The following TTC28 variants were observed in gnomAD, a reference collection of about 807,000 sequenced individuals.
TTC28 encodes tetratricopeptide repeat domain 28, also known as tetratricopeptide repeat protein 28.
In TTC28, 61 loss-of-function variants were observed where a neutral mutation model predicts 198.0. The observed-to-expected ratio is 0.31, with a 90% CI of 0.25 to 0.38. The LOEUF (loss-of-function observed/expected upper bound fraction) is 0.38, where lower values mean the gene tolerates loss of function less well. Ranked by LOEUF, TTC28 falls within the 10% of genes least tolerant of loss-of-function variation. TTC28 has a pLI of 1.00. For synonymous variants in TTC28, 1,171 were observed against 1,297.8 expected (o/e 0.90, Z 2.10); for missense variants, 2,678 against 3,164.0 (o/e 0.85, Z 3.69).
At chr22:28,155,819 AATGTGGCATACAAT>A (rs1848486696) in intron 6 of TTC28, among the ~76,000 whole-genome samples, 3 of 152,170 alleles carry the variant, frequency 2.0e-5, no homozygotes, top group African/African-American at 7.2e-5. Context: ...CTCTACCTAT[AATGTGGCATACAAT>A]ATGTGGCAAT....
At chr22:28,643,749 C>T (rs994750285) in intron 1 of TTC28, among the ~76,000 whole-genome samples, 3 of 152,208 alleles carry the variant, frequency 2.0e-5, no homozygotes, top group South Asian at 4.1e-4. Context: ...AATATGTTAA[C>T]GTATATTGTG....
At chr22:28,078,223 G>T (rs1359792259) in intron 12 of TTC28, among the ~76,000 whole-genome samples, 1 of 152,174 alleles carries the variant, frequency 6.6e-6, no homozygotes, top group African/African-American at 2.4e-5. Flanking sequence ...AGCAAAAACA[G>T]TCTGCAGAAT....
At chr22:28,129,944 T>C (rs569790481) in intron 6 of TTC28, among the ~76,000 whole-genome samples, 23 of 152,292 alleles carry the variant, frequency 1.5e-4, no homozygotes, top group African/African-American at 4.8e-4. Context: ...TGTTGATCCA[T>C]GGGCCACACT....
At chr22:28,663,451 G>A (rs868682909) in intron 1 of TTC28, among the ~76,000 whole-genome samples, 1 of 145,374 alleles carries the variant, frequency 6.9e-6, no homozygotes, top group East Asian at 2.0e-4. Context: ...CACCGTGCGC[G>A]AGCCGAAGCA....
intron 2 of TTC28, among the ~76,000 whole-genome samples, chr22:28,598,555 G>A (rs1345035633): frequency 6.7e-6 from 1 of 149,946 alleles, no homozygotes; most frequent in Non-Finnish European, 1.5e-5. Context: ...CTACTGTATG[G>A]AGGTAAGTTA....
intron 5 of TTC28, among the ~76,000 whole-genome samples, chr22:28,192,991 G>T (rs1924993682): frequency 6.6e-6 from 1 of 152,172 alleles, no homozygotes; most frequent in East Asian, 1.9e-4. Context: ...CATATTGTCA[G>T]ATTTACCAAA....
chr22:28,049,415 A>T (rs1260123618), intron 12 of TTC28, among the ~76,000 whole-genome samples: 1 of 152,124 alleles, frequency 6.6e-6, no homozygotes, highest in East Asian at 1.9e-4. Context: ...AGAACCTTAA[A>T]CTTTCTTCCT....
At chr22:28,254,972 C>A (rs974267675) in intron 5 of TTC28, among the ~76,000 whole-genome samples, 18 of 152,150 alleles carry the variant, frequency 1.2e-4, no homozygotes, top group African/African-American at 4.3e-4. Context: ...ATTAAAACCC[C>A]AGACCTATGT....
chr22:28,452,137 C>A (rs922367105), intron 2 of TTC28, among the ~76,000 whole-genome samples: 3 of 151,998 alleles, frequency 2.0e-5, no homozygotes, highest in Non-Finnish European at 4.4e-5. Context: ...CGCCTGTAAT[C>A]CCAGCACTTT....
intron 10 of TTC28, among the ~76,000 whole-genome samples, 183 bp from the exon 11 acceptor site, chr22:28,096,591 C>T (rs1941981759): frequency 6.6e-6 from 1 of 152,134 alleles, no homozygotes; most frequent in South Asian, 2.1e-4. Context: ...GTGCAGTGTC[C>T]TGCATGACTG....
At chr22:28,635,314 C>A (rs962250142) in intron 1 of TTC28, among the ~76,000 whole-genome samples, 2 of 151,974 alleles carry the variant, frequency 1.3e-5, no homozygotes, top group Non-Finnish European at 2.9e-5. Context: ...GAGCAAGACT[C>A]CGTCTCAAAA....
At chr22:28,464,923 C>G (rs2146286485) in intron 2 of TTC28, among the ~76,000 whole-genome samples, 1 of 152,292 alleles carries the variant, frequency 6.6e-6, no homozygotes, top group South Asian at 2.1e-4. Flanking sequence ...GATTTCAACT[C>G]ACGAAAGAAC....
chr22:28,271,276 G>C (rs1932053731), intron 5 of TTC28, among the ~76,000 whole-genome samples: 1 of 152,120 alleles, frequency 6.6e-6, no homozygotes, highest in East Asian at 1.9e-4. Context: ...CTCTTTGACT[G>C]TGTGTTATTC....
In TTC28 at chr22:28,118,356, G is replaced by A. The variant is rs531613514; in HGVS notation, c.1442-9953C>T. ...GGAGGTTGCAGCAAGCCGAGATCAC[G>A]CCACTGCACTCCAGCCTGGGTGACA... On this transcript the variant is annotated intron_variant, in intron 6 of 22. Coordinates refer to ENST00000397906, the MANE Select transcript of TTC28 (RefSeq NM_001145418.2). 3.0e-4 allele frequency among the ~76,000 whole-genome samples: 46 copies of A among 151,578 alleles called. No homozygotes were observed. In the South Asian group the frequency reaches 7.3e-3, roughly 24 times the overall value.
intron 2 of TTC28, among the ~76,000 whole-genome samples, chr22:28,608,737 C>G (rs757266084): frequency 1.3e-5 from 2 of 152,154 alleles, no homozygotes; most frequent in African/African-American, 2.4e-5. Context: ...CAAACACACA[C>G]AGGGAACTGT....
At chr22:28,164,607 C>T (rs1482070360) in intron 5 of TTC28, among the ~76,000 whole-genome samples, 1 of 152,178 alleles carries the variant, frequency 6.6e-6, no homozygotes, top group African/African-American at 2.4e-5. Flanking sequence ...GGAAAACTAA[C>T]AAACAGAAAG....
intron 2 of TTC28, among the ~76,000 whole-genome samples, chr22:28,564,902 T>G (rs1238356242): frequency 6.8e-6 from 1 of 147,900 alleles, no homozygotes; most frequent in Non-Finnish European, 1.5e-5. Flanking sequence ...TAAATTTATA[T>G]GTAATTTATA....
chr22:28,263,225 T>A (rs1374401790), intron 5 of TTC28, among the ~76,000 whole-genome samples: 1 of 152,184 alleles, frequency 6.6e-6, no homozygotes, highest in East Asian at 1.9e-4. Context: ...CTATACATGA[T>A]GTAAATGTGT....
intron 6 of TTC28, among the ~76,000 whole-genome samples, chr22:28,125,462 A>G (rs1476467773): frequency 6.6e-6 from 1 of 152,246 alleles, no homozygotes; most frequent in African/African-American, 2.4e-5. Flanking sequence ...AACTCAGGGT[A>G]GTAACTGTAG....
Sources: allele counts gnomAD v4.1 joint callset (sites outside exome capture counted in the v4.1 genomes callset), GRCh38; gene constraint gnomAD v4.1.1; transcripts MANE v1.5; gene names NCBI Gene and HGNC (gene_info 2026-07-23, HGNC 2026-07-21).